RTN1: variants seen among roughly 807,000 people sequenced by gnomAD.
RTN1 encodes the protein reticulon 1, also known as reticulon-1.
Under a neutral mutation model 65.5 loss-of-function variants are expected in RTN1, and 25 were observed. The observed-to-expected ratio is 0.38, with a 90% CI of 0.28 to 0.53. The LOEUF (loss-of-function observed/expected upper bound fraction) is 0.53, where lower values mean the gene tolerates loss of function less well. Ranked by LOEUF, RTN1 falls within the 20% of genes least tolerant of loss-of-function variation. The probability of loss-of-function intolerance (pLI) is 0.79; values close to 1 mark genes in which losing one functional copy is unlikely to be tolerated. For synonymous variants in RTN1, 471 were observed against 447.6 expected, an observed-to-expected ratio of 1.05 and a Z score of -0.66; for missense variants, 983 against 1,025.4, an observed-to-expected ratio of 0.96 and a Z score of 0.57.
intron 1 of RTN1, among the ~76,000 whole-genome samples, chr14:59,832,694 G>A (rs760718161): frequency 2.0e-5 from 3 of 152,192 alleles, no homozygotes; most frequent in Non-Finnish European, 4.4e-5. Context: ...TAGATTGGGG[G>A]CAGGGGATGC....
In RTN1 at chr14:59,660,702, A is replaced by C. The variant is rs193099114; in HGVS notation, c.1766-53210T>G. On this transcript the variant is annotated intron_variant, in intron 3 of 8. Coordinates refer to ENST00000267484, the MANE Select transcript of RTN1 (RefSeq NM_021136.3). ...TTGAAACCAATGAGAACACAGACAC[A>C]ATGTACCAGAATCTCTCGGACACAG... Among the ~76,000 whole-genome samples the C allele has an allele frequency of 1.9e-3, 287 of 152,322 alleles. 1 individual carries two copies. The highest frequency in any genetic ancestry group is 3.3e-3 in the Non-Finnish European group (225 of 68,020).
chr14:59,861,438 G>T lies in RTN1; in HGVS notation c.241+8952C>A, dbSNP rs80157957. ...TTCTTTGTAAATTGCCCAGTCTCGGGTATCTCTTAATCAGCAGTGTGAAAA... is the reference window on the plus strand; with the variant it reads ...TTCTTTGTAAATTGCCCAGTCTCGGTTATCTCTTAATCAGCAGTGTGAAAA... On this transcript the variant is annotated intron_variant, in intron 1 of 8. Transcript: ENST00000267484. Among the ~76,000 whole-genome samples, 1,306 of 152,270 alleles carry T rather than the reference G, an allele frequency of 8.6e-3. 82 individuals carry two copies. In the East Asian group the frequency reaches 0.18, roughly 22 times the overall value.
At chr14:59,657,384 G>C (rs1237791345) in intron 3 of RTN1, among the ~76,000 whole-genome samples, 1 of 152,212 alleles carries the variant, frequency 6.6e-6, no homozygotes, top group East Asian at 1.9e-4. Context: ...ACTGCAGCCT[G>C]GGTGAAAGAG....
chr14:59,773,777 T>C (rs1341056011), intron 1 of RTN1, among the ~76,000 whole-genome samples: 1 of 152,178 alleles, frequency 6.6e-6, no homozygotes, highest in African/African-American at 2.4e-5. Context: ...AAGCTTACTG[T>C]CTTTCTTCTA....
At chr14:59,756,945 T>C (rs1474245650) in intron 1 of RTN1, among the ~76,000 whole-genome samples, 1 of 151,812 alleles carries the variant, frequency 6.6e-6, no homozygotes, top group Admixed American at 6.6e-5. Flanking sequence ...TGCCTCAGTC[T>C]CCCAGGTACC....
At chr14:59,800,546 G>A (rs1372536447) in intron 1 of RTN1, among the ~76,000 whole-genome samples, 1 of 151,922 alleles carries the variant, frequency 6.6e-6, no homozygotes, top group South Asian at 2.1e-4. Context: ...GACTACAGGC[G>A]CCCACCACCA....
chr14:59,604,213 GT>G (rs1019459789), intron 5 of RTN1: 2 of 183,880 alleles, frequency 1.1e-5, no homozygotes, highest in South Asian at 1.5e-4. Flanking sequence ...GTTAATAAAG[GT>G]TTTTACATTT....
At chr14:59,662,001 C>A (rs1046650394) in intron 3 of RTN1, among the ~76,000 whole-genome samples, 1 of 152,126 alleles carries the variant, frequency 6.6e-6, no homozygotes, top group African/African-American at 2.4e-5. Context: ...TTTAGAAAAC[C>A]CCACTGTCTC....
intron 3 of RTN1, among the ~76,000 whole-genome samples, chr14:59,697,048 T>C (rs1404430673): frequency 6.6e-6 from 1 of 152,188 alleles, no homozygotes; most frequent in Non-Finnish European, 1.5e-5. Flanking sequence ...AGTCTCATTT[T>C]TTTTTGTCCA....
At chr14:59,653,731 C>G (rs1034291069) in intron 3 of RTN1, among the ~76,000 whole-genome samples, 1 of 151,690 alleles carries the variant, frequency 6.6e-6, no homozygotes, top group Non-Finnish European at 1.5e-5. Context: ...TATACATACT[C>G]CCAGAATAAT....
At chr14:59,687,778 C>G (rs1883878335) in intron 3 of RTN1, among the ~76,000 whole-genome samples, 1 of 151,956 alleles carries the variant, frequency 6.6e-6, no homozygotes, top group African/African-American at 2.4e-5. Flanking sequence ...GGGGGGTCCT[C>G]TTCACTTCAT....
At chr14:59,653,091 A>C (rs1007073686) in intron 3 of RTN1, among the ~76,000 whole-genome samples, 2 of 152,174 alleles carry the variant, frequency 1.3e-5, no homozygotes, top group Non-Finnish European at 2.9e-5. Context: ...AACCTCACGT[A>C]GTTTAAAGAG....
At chr14:59,642,799 C>T (rs996837494) in intron 3 of RTN1, among the ~76,000 whole-genome samples, 2 of 152,114 alleles carry the variant, frequency 1.3e-5, no homozygotes, top group African/African-American at 2.4e-5. Context: ...CTTCTATCAT[C>T]TCCTTTTTTG....
intron 1 of RTN1, among the ~76,000 whole-genome samples, chr14:59,827,236 G>A (rs1207337516): frequency 6.6e-6 from 1 of 152,048 alleles, no homozygotes; most frequent in Non-Finnish European, 1.5e-5. Context: ...CCGCCACCAC[G>A]CCTGGCTAAG....
chr14:59,746,044 T>C lies in RTN1; in HGVS notation c.679A>G (p.Thr227Ala), dbSNP rs376365107. The C allele has an allele frequency of 7.4e-6, 12 of 1,614,082 alleles. No individual in the cohort carries two copies. The highest frequency in any genetic ancestry group is 9.3e-6 in the Non-Finnish European group (11 of 1,180,042). Residue 227 changes from threonine (T) to alanine (A), a missense_variant, in exon 2 of 9, where the codon ACT (threonine) becomes GCT (alanine). By Grantham distance (58) the Thr-to-Ala change is moderately conservative (BLOSUM62 0). Transcript: ENST00000267484. ...DKDLDFKNKDTDISIKPEGVR... is the reference protein window; with the variant it reads ...DKDLDFKNKDADISIKPEGVR... ...CCTTCAGGTTTAATTGAGATGTCAGTGTCTTTATTCTTAAAGTCCAAGTCT... is the reference window on the plus strand; with the variant it reads ...CCTTCAGGTTTAATTGAGATGTCAGCGTCTTTATTCTTAAAGTCCAAGTCT...
intron 1 of RTN1, among the ~76,000 whole-genome samples, chr14:59,748,658 C>T (rs1885281144): frequency 6.6e-6 from 1 of 152,090 alleles, no homozygotes; most frequent in African/African-American, 2.4e-5. Flanking sequence ...GCTAGGTGAG[C>T]TCACACACAC....
At chr14:59,862,954 C>T (rs908797579) in intron 1 of RTN1, among the ~76,000 whole-genome samples, 1 of 152,134 alleles carries the variant, frequency 6.6e-6, no homozygotes, top group African/African-American at 2.4e-5. Flanking sequence ...GGAAAACTTC[C>T]ACCTGTTCTC....
intron 3 of RTN1, among the ~76,000 whole-genome samples, chr14:59,680,881 T>C (rs1594674916): frequency 6.6e-6 from 1 of 152,184 alleles, no homozygotes; most frequent in African/African-American, 2.4e-5. Flanking sequence ...TGAAGAGTTT[T>C]TAATAACTTG....
intron 1 of RTN1, among the ~76,000 whole-genome samples, chr14:59,749,254 A>C (rs1390240492): frequency 2.1e-5 from 1 of 47,940 alleles, no homozygotes; most frequent in Non-Finnish European, 3.4e-5. Flanking sequence ...ATATCTATAT[A>C]TCTATATATA....
Sources: gnomAD v4.1 joint callset for allele counts (sites outside exome capture counted in the v4.1 genomes callset) on GRCh38, gnomAD v4.1.1 for gene constraint, MANE v1.5 for transcripts, NCBI Gene and HGNC (gene_info 2026-07-23, HGNC 2026-07-21) for gene names.